The following LINGO2 variants were observed in gnomAD, a reference collection of about 807,000 sequenced individuals.
LINGO2 encodes leucine rich repeat and Ig domain containing 2.
In LINGO2, 14 loss-of-function variants were observed where a neutral mutation model predicts 30.6. The observed-to-expected ratio is 0.46, with a 90% CI of 0.30 to 0.72. The LOEUF (loss-of-function observed/expected upper bound fraction) is 0.72, where lower values mean the gene tolerates loss of function less well. Among genes scored for constraint, LINGO2 ranks in the 30% least tolerant of loss-of-function variants. LINGO2 has a pLI of 0.07. For synonymous variants in LINGO2, 317 were observed against 288.5 expected, an observed-to-expected ratio of 1.10 and a Z score of -1.00; for missense variants, 729 against 751.7, an observed-to-expected ratio of 0.97 and a Z score of 0.35.
the LINGO2 span, among the ~76,000 whole-genome samples, chr9:29,002,223 C>T: frequency 6.6e-6 from 1 of 151,958 alleles, no homozygotes; most frequent in Non-Finnish European, 1.5e-5. Context: ...TCCTTAAATT[C>T]CTAGTGTCTT....
chr9:29,064,768 T>C, the LINGO2 span, among the ~76,000 whole-genome samples: 59 of 152,242 alleles, frequency 3.9e-4, no homozygotes, highest in East Asian at 9.1e-3. Flanking sequence ...TACTCTAGGA[T>C]AGTAGAAGTG....
At chr9:29,023,347 T>C in the LINGO2 span, among the ~76,000 whole-genome samples, 3,318 of 152,230 alleles carry the variant, frequency 0.022, 116 homozygotes, top group African/African-American at 0.074. Context: ...AAAATATCTG[T>C]TAATTTAAGG....
the LINGO2 span, among the ~76,000 whole-genome samples, chr9:29,197,533 C>A: frequency 6.6e-6 from 1 of 151,852 alleles, no homozygotes; most frequent in Non-Finnish European, 1.5e-5. Context: ...CATTTATACG[C>A]CAGAATGGTT....
intron 4 of LINGO2, among the ~76,000 whole-genome samples, chr9:28,172,926 A>G (rs1003161237): frequency 6.6e-6 from 1 of 152,222 alleles, no homozygotes; most frequent in Non-Finnish European, 1.5e-5. Context: ...GGACTGGAGT[A>G]ATGGGATGCC....
chr9:28,889,759 T>A, the LINGO2 span, among the ~76,000 whole-genome samples: 2 of 152,098 alleles, frequency 1.3e-5, no homozygotes, highest in African/African-American at 4.8e-5. Context: ...ATGTCTCCAT[T>A]AGATCTCAGA....
chr9:27,945,791 G>A (rs1004325379), downstream of LINGO2, among the ~76,000 whole-genome samples: 1 of 152,204 alleles, frequency 6.6e-6, no homozygotes, highest in African/African-American at 2.4e-5. Context: ...AGCTTTGCAC[G>A]CACAAAAAGA....
At chr9:28,530,127 T>C (rs570060431) in intron 1 of LINGO2, among the ~76,000 whole-genome samples, 17 of 152,096 alleles carry the variant, frequency 1.1e-4, no homozygotes, top group African/African-American at 3.9e-4. Flanking sequence ...CTGAATTCAG[T>C]CTGGCAAAAG....
chr9:28,808,786 A>G, the LINGO2 span, among the ~76,000 whole-genome samples: 11 of 152,212 alleles, frequency 7.2e-5, no homozygotes, highest in African/African-American at 2.7e-4. Flanking sequence ...TCTATAAATG[A>G]TGTTTTTATA....
chr9:28,566,047 C>A (rs529917019), intron 1 of LINGO2, among the ~76,000 whole-genome samples: 3 of 152,030 alleles, frequency 2.0e-5, no homozygotes, highest in African/African-American at 2.4e-5. Context: ...TGAGGACCAG[C>A]GAAGTGGCCT....
chr9:28,930,957 G>A, the LINGO2 span, among the ~76,000 whole-genome samples: 6 of 152,266 alleles, frequency 3.9e-5, no homozygotes, highest in East Asian at 1.2e-3. The surrounding 1 kb of genome is among the most constrained non-coding windows in gnomAD (Gnocchi z 4.2). Context: ...CCTGTCATAT[G>A]AATGCAGGCA....
At chr9:28,082,828 A>G (rs527913057) in intron 4 of LINGO2, among the ~76,000 whole-genome samples, 1 of 151,968 alleles carries the variant, frequency 6.6e-6, no homozygotes, top group Non-Finnish European at 1.5e-5. Context: ...CTGCCATCTC[A>G]TTATCCTTCA....
Position 28,021,619 on chromosome 9 carries a change from G to A in LINGO2, c.-86-9214C>T, listed in dbSNP as rs558340856. On this transcript the variant is annotated intron_variant, in intron 4 of 5. Transcript: ENST00000379992. ...AGTTTCCAACAATAATAGTGAATTG[G>A]TCCATTTCTCCTTGGAATTTTATCA... Among the ~76,000 whole-genome samples, 3 of 152,120 alleles carry A rather than the reference G, an allele frequency of 2.0e-5. No individual in the cohort carries two copies. In the East Asian group the frequency reaches 5.8e-4, roughly 29 times the overall value.
the LINGO2 span, among the ~76,000 whole-genome samples, chr9:29,181,186 C>T: frequency 2.0e-5 from 3 of 152,106 alleles, no homozygotes; most frequent in Non-Finnish European, 4.4e-5. Flanking sequence ...TAATTAGTAG[C>T]GTGACTTTGA....
chr9:28,085,345 CA>C (rs1825878894), intron 4 of LINGO2, among the ~76,000 whole-genome samples: 2 of 152,054 alleles, frequency 1.3e-5, no homozygotes, highest in African/African-American at 4.8e-5. Context: ...CTGATGTCTT[CA>C]AAACCTTTGT....
At chr9:28,350,311 C>A (rs867117434) in intron 3 of LINGO2, among the ~76,000 whole-genome samples, 2,028 of 142,590 alleles carry the variant, frequency 0.014, 20 homozygotes, top group Admixed American at 0.021. Context: ...GAAGATCTAC[C>A]AAGCCAATGG....
intron 1 of LINGO2, among the ~76,000 whole-genome samples, chr9:28,537,561 G>A (rs1173925245): frequency 1.3e-5 from 2 of 151,708 alleles, no homozygotes; most frequent in East Asian, 3.9e-4. Context: ...AAAAAAAAAT[G>A]TTTTAAAGAG....
the LINGO2 span, among the ~76,000 whole-genome samples, chr9:28,744,640 A>ATT: frequency 0.1 from 11,594 of 113,610 alleles, 934 homozygotes; most frequent in African/African-American, 0.22. Context: ...GTGTGTGTGT[A>ATT]TTTTTTTTTT....
intron 4 of LINGO2, among the ~76,000 whole-genome samples, chr9:28,050,980 G>C (rs544470759): frequency 6.6e-6 from 1 of 151,146 alleles, no homozygotes; most frequent in African/African-American, 2.4e-5. Flanking sequence ...TCATCAGTAA[G>C]AAGTATAGAT....
chr9:28,758,879 T>G, the LINGO2 span, among the ~76,000 whole-genome samples: 1 of 152,094 alleles, frequency 6.6e-6, no homozygotes, highest in African/African-American at 2.4e-5. Flanking sequence ...TCCAGTAAAA[T>G]CTTAAATGTT....
Sources: gnomAD v4.1 joint callset for allele counts (sites outside exome capture counted in the v4.1 genomes callset) on GRCh38, gnomAD v4.1.1 for gene constraint, Gnocchi (gnomAD v3.1) non-coding constraint, MANE v1.5 for transcripts, NCBI Gene and HGNC (gene_info 2026-07-23, HGNC 2026-07-21) for gene names.